The following NBPF11 variants were observed in gnomAD, a reference collection of about 807,000 sequenced individuals.
The protein encoded by NBPF11 is NBPF member 11.
In NBPF11, 72 loss-of-function variants were observed where a neutral mutation model predicts 93.9. The observed-to-expected ratio is 0.77, with a 90% CI of 0.63 to 0.93. The LOEUF is 0.93. Ranked by LOEUF, NBPF11 falls within the 40% of genes least tolerant of loss-of-function variation. The pLI, the probability that NBPF11 is intolerant of heterozygous loss-of-function variation, is 0.00. For synonymous variants in NBPF11, 224 were observed against 304.9 expected (o/e 0.73, Z 2.76); for missense variants, 705 against 802.2 (o/e 0.88, Z 1.46).
Position 148,107,026 on chromosome 1 carries a change from C to G in NBPF11, c.2167G>C (p.Glu723Gln), listed in dbSNP as rs1366669350. The change falls in exon 20 of 24, where the codon GAA becomes CAA. Residue 723 changes from glutamate to glutamine, a missense_variant. This residue lies in a region of NBPF11 where 5 missense variants were observed against 30.0 expected (regional missense o/e 0.17). Transcript: ENST00000682118. ...RCYSTPSGYL[E>Q]LPDLGQPYRS... is the part of the protein sequence containing the mutation. ...TAGGGCTGGCCTAAGTCAGGCAGTT[C>G]AAGATAACCTGAAGGAGTCGAATAA... 1.5e-6 allele frequency: 1 copy of G among 656,042 alleles called. No homozygotes were observed. Among genetic ancestry groups the G allele is most frequent in the Non-Finnish European group, 2.7e-6 (1 of 371,430 alleles). 40.6% of individuals were successfully genotyped at this position (656,042 alleles called of 1,614,324 possible). A position where few individuals can be genotyped will look rare whatever the true frequency, so the allele number is the denominator to read the frequency against.
At chr1:148,111,341 T>G (rs1215853917) in intron 15 of NBPF11, among the ~76,000 whole-genome samples, 3 of 151,972 alleles carry the variant, frequency 2.0e-5, no homozygotes, top group African/African-American at 7.3e-5. Context: ...CTGACATCCC[T>G]TCTCCTCCAA....
chr1:148,140,308 C>G (rs1671971989), intron 2 of NBPF11, among the ~76,000 whole-genome samples: 1 of 151,722 alleles, frequency 6.6e-6, no homozygotes, highest in Non-Finnish European at 1.5e-5. Flanking sequence ...AGCGCAAAAC[C>G]ATAAGAATCC....
In NBPF11 at chr1:148,103,866, C is replaced by T; in HGVS notation, c.*30G>A. 1.9e-6 allele frequency: 3 copies of T among 1,611,254 alleles called. No homozygotes were observed. The highest frequency in any genetic ancestry group is 1.7e-5 in the Admixed American group (1 of 60,002). On this transcript the variant is annotated 3_prime_UTR_variant, in exon 24 of 24. Coordinates refer to ENST00000682118, the MANE Select transcript of NBPF11 (RefSeq NM_001385469.3). ...GTCGAATAATATCTATCCAGTGAGT[C>T]CTGTAAGACTTCAGGCACTTCCACT...
At chr1:148,123,607 T>A (rs1251708232) in intron 7 of NBPF11, among the ~76,000 whole-genome samples, 3 of 143,030 alleles carry the variant, frequency 2.1e-5, no homozygotes, top group Non-Finnish European at 4.6e-5. Flanking sequence ...TAAAACTAGA[T>A]AGATGCTGCC....
At chr1:148,131,135 G>C (rs1170406892) in intron 4 of NBPF11, among the ~76,000 whole-genome samples, 3 of 149,510 alleles carry the variant, frequency 2.0e-5, no homozygotes, top group Non-Finnish European at 4.4e-5. Context: ...AGTAGCGACT[G>C]AGTGGTTCAA....
Position 148,116,698 on chromosome 1 carries a change from G to A in NBPF11, c.1307-163C>T, listed in dbSNP as rs1311831709. On this transcript the variant is annotated intron_variant, in intron 12 of 23. Transcript: ENST00000682118. ...CAGAATGCCCTGGCATGGTTTCCTG[G>A]TCCATCAGGCAATGCATTTCTGATC... Among the ~76,000 whole-genome samples, 336 of 151,148 alleles carry A rather than the reference G, an allele frequency of 2.2e-3. 2 individuals carry two copies. Among genetic ancestry groups the A allele is most frequent in the East Asian group, 6.4e-3 (33 of 5,144 alleles).
intron 4 of NBPF11, among the ~76,000 whole-genome samples, chr1:148,132,722 C>CT (rs1491278470): frequency 2.7e-5 from 1 of 37,522 alleles, no homozygotes; most frequent in Non-Finnish European, 6.0e-5. Flanking sequence ...TGTTGACTTT[C>CT]CTTTTTTTTT....
intron 12 of NBPF11, among the ~76,000 whole-genome samples, chr1:148,117,232 G>C (rs1272076261): frequency 2.0e-5 from 3 of 149,920 alleles, no homozygotes; most frequent in Admixed American, 2.0e-4. Flanking sequence ...TTGCCAAAAA[G>C]ACAGCCTGGG....
intron 2 of NBPF11, among the ~76,000 whole-genome samples, chr1:148,139,797 G>C (rs1213481511): frequency 1.0e-3 from 150 of 149,470 alleles, no homozygotes; most frequent in African/African-American, 3.5e-3. Flanking sequence ...GGAGTCACAG[G>C]TCACAGGGAA....
chr1:148,146,672 G>T, intron 1 of NBPF11: 13 of 1,611,774 alleles, frequency 8.1e-6, no homozygotes, highest in Non-Finnish European at 1.0e-5. Flanking sequence ...CCCACCAAGA[G>T]CGCCCGCGGC....
Position 148,106,206 on chromosome 1 carries a change from CT to C in NBPF11, c.2277del (p.Glu760LysfsTer17). On this transcript the variant is annotated frameshift_variant, in exon 21 of 24. Coordinates refer to ENST00000682118, the MANE Select transcript of NBPF11 (RefSeq NM_001385469.3). LOFTEE classifies it high-confidence loss of function. ...CTGGGGCACGGTGGGCCTTGGTCTT[CT>C]TCCTCTTCTTGGTCCTTTTTAATTC... ...VDRIKKDQEE[E>X]EDQGPPCPRL... is the part of the protein sequence containing the mutation. 4.4e-6 allele frequency: 4 copies of C among 912,096 alleles called. No homozygotes were observed. Among genetic ancestry groups the C allele is most frequent in the Middle Eastern group, 3.2e-4 (1 of 3,108 alleles). The allele number at this position is 912,096 out of a possible 1,614,324, so 56.5% of individuals were successfully genotyped here. A position where few individuals can be genotyped will look rare whatever the true frequency, so the allele number is the denominator to read the frequency against.
intron 1 of NBPF11, chr1:148,146,539 G>C: frequency 1.9e-6 from 3 of 1,603,434 alleles, no homozygotes; most frequent in Admixed American, 1.7e-5. Context: ...TGGTGGGGCC[G>C]GGGCCGCCCC....
Position 148,134,040 on chromosome 1 carries a change from G to A in NBPF11, c.-36+1632C>T, listed in dbSNP as rs1211251979. Among the ~76,000 whole-genome samples the A allele has an allele frequency of 4.6e-5, 7 of 152,188 alleles. No homozygotes were observed. The East Asian group carries it at 1.4e-3, about 29-fold the overall frequency. On this transcript the variant is annotated intron_variant, in intron 4 of 23. Transcript: ENST00000682118. ...TCCTCTACTCTTCCAGAACCCTGTT[G>A]TTCTGACAGCAGGGAGGGCAAATCC...
At chr1:148,138,449 G>C (rs2795735) in intron 2 of NBPF11, among the ~76,000 whole-genome samples, 40 of 151,912 alleles carry the variant, frequency 2.6e-4, no homozygotes, top group Middle Eastern at 3.4e-3. Context: ...TTCAGACTAT[G>C]ACATGGGGAG....
At chr1:148,121,882 T>C (rs1463180932) in intron 9 of NBPF11, among the ~76,000 whole-genome samples, 173 bp downstream of exon 9, 1 of 151,770 alleles carries the variant, frequency 6.6e-6, no homozygotes, top group African/African-American at 2.4e-5. Flanking sequence ...ACTCAAGTCA[T>C]CCTCCCACTT....
rs1437590339 is a variant in NBPF11, at chr1:148,124,195, A to G, written c.279-128T>C. ...CAAGCAGAAGGTCAGCACATGTTGAAAGGAATGTCTGTGGCCAAGAGAAAG... is the reference window on the plus strand; with the variant it reads ...CAAGCAGAAGGTCAGCACATGTTGAGAGGAATGTCTGTGGCCAAGAGAAAG... On this transcript the variant is annotated intron_variant, in intron 6 of 23. Coordinates refer to ENST00000682118, the MANE Select transcript of NBPF11 (RefSeq NM_001385469.3). 12 of 708,126 alleles carry G rather than the reference A, an allele frequency of 1.7e-5. No homozygotes were observed. The East Asian group carries it at 2.9e-4, about 17-fold the overall frequency. The allele number at this position is 708,126 out of a possible 1,614,324, so 43.9% of individuals were successfully genotyped here. A position where few individuals can be genotyped will look rare whatever the true frequency, so the allele number is the denominator to read the frequency against.
chr1:148,127,725 C>G (rs1669433385), intron 4 of NBPF11, among the ~76,000 whole-genome samples: 1 of 142,038 alleles, frequency 7.0e-6, no homozygotes, highest in African/African-American at 2.6e-5. Context: ...TCACTGCAAG[C>G]TCTGCCTCCC....
At position 148,122,643 on chromosome 1, in the gene NBPF11, C is replaced by T. The variant is rs1553271865; in HGVS notation, c.566+86G>A. ...TGGCCAAGGGAATGCGGGCTTTTGGCCCATCATAGATGCCAGAGAGGGCGT... is the reference window on the plus strand; with the variant it reads ...TGGCCAAGGGAATGCGGGCTTTTGGTCCATCATAGATGCCAGAGAGGGCGT... On this transcript the variant is annotated intron_variant, in intron 8 of 23. Coordinates refer to ENST00000682118, the MANE Select transcript of NBPF11 (RefSeq NM_001385469.3). 13 of 1,571,752 alleles carry T rather than the reference C, an allele frequency of 8.3e-6. No individual in the cohort carries two copies. In the East Asian group the frequency reaches 1.1e-4, roughly 14 times the overall value.
At chr1:148,123,718 T>G in intron 7 of NBPF11, 135 bp downstream of exon 7, 1 of 1,580,920 alleles carries the variant, frequency 6.3e-7, no homozygotes, top group Admixed American at 1.7e-5. Flanking sequence ...ACTCAGGAAG[T>G]CCTGATCATG....
Sources: allele counts gnomAD v4.1 joint callset (sites outside exome capture counted in the v4.1 genomes callset), GRCh38; gene constraint gnomAD v4.1.1; regional missense constraint gnomAD v4.1.1; transcripts MANE v1.5; gene names NCBI Gene and HGNC (gene_info 2026-07-23, HGNC 2026-07-21).